Variants in KLHL1 observed in about 807,000 individuals in gnomAD.
The protein encoded by KLHL1 is kelch like family member 1.
Under a neutral mutation model 77.7 loss-of-function variants are expected in KLHL1, and 47 were observed. That is an observed-to-expected ratio of 0.60 (90% CI 0.48 to 0.77). The LOEUF (loss-of-function observed/expected upper bound fraction) is 0.77, where lower values mean the gene tolerates loss of function less well. Ranked by LOEUF, KLHL1 falls within the 30% of genes least tolerant of loss-of-function variation. KLHL1 has a pLI of 0.00. For missense variants in KLHL1, 925 were observed against 910.8 expected (o/e 1.02, Z -0.20); for synonymous variants, 360 against 325.2 (o/e 1.11, Z -1.15).
chr13:69,928,072 C>G (rs999652701), intron 4 of KLHL1, among the ~76,000 whole-genome samples: 11 of 152,172 alleles, frequency 7.2e-5, no homozygotes, highest in African/African-American at 2.7e-4. Context: ...ACATACTAAC[C>G]ATTGGCACCC....
intron 1 of KLHL1, among the ~76,000 whole-genome samples, chr13:69,984,828 G>T (rs947878786): frequency 2.6e-5 from 4 of 152,108 alleles, no homozygotes; most frequent in African/African-American, 9.7e-5. Flanking sequence ...TTCTGTGCAG[G>T]CTGGGCGTGG....
At chr13:69,805,006 T>C (rs1041805055) in intron 6 of KLHL1, among the ~76,000 whole-genome samples, 1 of 152,088 alleles carries the variant, frequency 6.6e-6, no homozygotes, top group African/African-American at 2.4e-5. Flanking sequence ...TTGACTTTCA[T>C]GTATTCATAT....
At chr13:69,905,306 T>A (rs1455210903) in intron 4 of KLHL1, among the ~76,000 whole-genome samples, 2 of 152,124 alleles carry the variant, frequency 1.3e-5, no homozygotes, top group Non-Finnish European at 2.9e-5. Context: ...GTTAAAATCA[T>A]GCCTTTAATT....
intron 1 of KLHL1, among the ~76,000 whole-genome samples, chr13:70,019,585 C>T (rs1194331206): frequency 6.6e-6 from 1 of 152,156 alleles, no homozygotes; most frequent in Non-Finnish European, 1.5e-5. Flanking sequence ...TATATTATCA[C>T]TTTAATCTTC....
chr13:69,732,264 A>G (rs1441736371), intron 8 of KLHL1, among the ~76,000 whole-genome samples: 1 of 152,162 alleles, frequency 6.6e-6, no homozygotes, highest in African/African-American at 2.4e-5. Flanking sequence ...GCTAAAATAT[A>G]TCTCAAATCA....
chr13:69,811,395 A>AT (rs915769816), intron 6 of KLHL1, among the ~76,000 whole-genome samples: 5 of 150,402 alleles, frequency 3.3e-5, no homozygotes, highest in East Asian at 1.9e-4. Flanking sequence ...AACGTAATAG[A>AT]TAAAAAAAAA....
intron 1 of KLHL1, among the ~76,000 whole-genome samples, chr13:70,005,407 T>C (rs936822854): frequency 6.6e-6 from 1 of 152,152 alleles, no homozygotes; most frequent in Admixed American, 6.6e-5. Context: ...CAGCCCAAGA[T>C]AGCTTAGAAC....
At chr13:70,077,353 G>C (rs1453194543) in intron 1 of KLHL1, among the ~76,000 whole-genome samples, 2 of 151,686 alleles carry the variant, frequency 1.3e-5, no homozygotes, top group African/African-American at 2.4e-5. Flanking sequence ...GAAATAAGCT[G>C]GTCCACAAAG....
chr13:69,882,997 T>C (rs1881059338), intron 4 of KLHL1, among the ~76,000 whole-genome samples: 1 of 152,212 alleles, frequency 6.6e-6, no homozygotes, highest in Non-Finnish European at 1.5e-5. Flanking sequence ...AGTTCCATCC[T>C]GCTATTATCT....
At chr13:70,015,297 C>G (rs1463451419) in intron 1 of KLHL1, among the ~76,000 whole-genome samples, 1 of 152,038 alleles carries the variant, frequency 6.6e-6, no homozygotes, top group Non-Finnish European at 1.5e-5. Flanking sequence ...CAGTATGTTA[C>G]TATACTGAAT....
intron 7 of KLHL1, among the ~76,000 whole-genome samples, chr13:69,779,146 A>G (rs1335267311): frequency 1.3e-5 from 2 of 152,036 alleles, no homozygotes; most frequent in East Asian, 3.9e-4. Flanking sequence ...TGTGATTCCT[A>G]GCATTAAAAA....
In KLHL1 at chr13:69,735,984, A is replaced by G. The variant is rs76901824; in HGVS notation, c.1802+4410T>C. Among the ~76,000 whole-genome samples, 966 of 152,334 alleles carry G rather than the reference A, an allele frequency of 6.3e-3. 7 individuals carry two copies. The highest frequency in any genetic ancestry group is 0.021 in the African/African-American group (875 of 41,598). ...TGTATCTGTGTGTATGCACATATAC[A>G]GTGTTAAGTCACTTTTTATGAGCAA... On this transcript the variant is annotated intron_variant, in intron 8 of 10. Transcript: ENST00000377844.
intron 4 of KLHL1, among the ~76,000 whole-genome samples, chr13:69,913,786 A>G (rs1319212450): frequency 3.3e-5 from 5 of 152,138 alleles, no homozygotes; most frequent in African/African-American, 1.2e-4. Context: ...TACACATACA[A>G]ATTCACTTAT....
chr13:69,969,179 C>A (rs1376585403), intron 2 of KLHL1, among the ~76,000 whole-genome samples: 1 of 151,948 alleles, frequency 6.6e-6, no homozygotes, highest in East Asian at 1.9e-4. Context: ...AACTGGAAAA[C>A]ATGACTTAAC....
intron 1 of KLHL1, among the ~76,000 whole-genome samples, chr13:69,989,075 G>A (rs1884952913): frequency 6.6e-6 from 1 of 151,934 alleles, no homozygotes; most frequent in Non-Finnish European, 1.5e-5. Context: ...TTATCTTCCA[G>A]GATTTTTATA....
At chr13:70,093,665 ATTTG>A (rs927366518) in intron 1 of KLHL1, among the ~76,000 whole-genome samples, 4 of 152,054 alleles carry the variant, frequency 2.6e-5, no homozygotes, top group African/African-American at 9.7e-5. Context: ...TTTTCTCTAA[ATTTG>A]TTTGTATTTG....
chr13:69,781,285 C>CTTTTTTTTT (rs869083780), intron 7 of KLHL1, among the ~76,000 whole-genome samples: 9 of 119,706 alleles, frequency 7.5e-5, no homozygotes, highest in African/African-American at 2.3e-4. Context: ...TTTTTTCTTT[C>CTTTTTTTTT]TTTTTTTTTT....
At chr13:70,087,398 C>T (rs1320330115) in intron 1 of KLHL1, among the ~76,000 whole-genome samples, 1 of 152,210 alleles carries the variant, frequency 6.6e-6, no homozygotes, top group East Asian at 1.9e-4. Flanking sequence ...ATCTAACAGT[C>T]AACCAAGAGT....
intron 1 of KLHL1, among the ~76,000 whole-genome samples, chr13:70,073,076 T>C (rs1037904035): frequency 2.0e-5 from 3 of 152,118 alleles, no homozygotes; most frequent in African/African-American, 7.2e-5. Context: ...ACCCAAAGGA[T>C]TATAAATCAT....
Sources: allele counts gnomAD v4.1 joint callset (sites outside exome capture counted in the v4.1 genomes callset), GRCh38; gene constraint gnomAD v4.1.1; transcripts MANE v1.5; gene names NCBI Gene and HGNC (gene_info 2026-07-23, HGNC 2026-07-21).